Variants in CDKAL1 observed in about 807,000 individuals in gnomAD.
CDKAL1 encodes CDKAL1 threonylcarbamoyladenosine tRNA methylthiotransferase.
CDKAL1 carries 32 observed loss-of-function variants against 68.2 expected under a neutral mutation model. The ratio of observed to expected loss-of-function variants is 0.47; its 90% CI spans 0.35 to 0.63. The LOEUF is 0.63. CDKAL1 is among the 30% of genes least tolerant of loss of function. The pLI, the probability that CDKAL1 is intolerant of heterozygous loss-of-function variation, is 0.00. For synonymous variants in CDKAL1, 234 were observed against 244.3 expected, an observed-to-expected ratio of 0.96 and a Z score of 0.39; for missense variants, 606 against 696.7, an observed-to-expected ratio of 0.87 and a Z score of 1.47.
chr6:20,554,617 G>A (rs948910232), intron 4 of CDKAL1, among the ~76,000 whole-genome samples: 5 of 152,194 alleles, frequency 3.3e-5, no homozygotes, highest in African/African-American at 1.2e-4. Context: ...TTCTGAAAGA[G>A]TAGCTGTGAT....
At chr6:21,064,955 T>C in intron 11 of CDKAL1, 93 bp from the exon 12 acceptor site, 1 of 746,646 alleles carries the variant, frequency 1.3e-6, no homozygotes, top group Non-Finnish European at 2.0e-6. Flanking sequence ...AAATAAATTT[T>C]AATTACCATA....
intron 5 of CDKAL1, among the ~76,000 whole-genome samples, chr6:20,720,884 A>T (rs567786840): frequency 5.5e-4 from 84 of 152,248 alleles, no homozygotes; most frequent in African/African-American, 1.9e-3. Context: ...TGCCTGCCTT[A>T]TTTCACTTGA....
intron 11 of CDKAL1, among the ~76,000 whole-genome samples, chr6:21,001,693 C>T (rs1335728033): frequency 6.6e-6 from 1 of 152,204 alleles, no homozygotes; most frequent in East Asian, 1.9e-4. Flanking sequence ...TAAGTATCTG[C>T]TGTTGGCCTA....
chr6:21,147,341 C>T (rs1776225705), intron 13 of CDKAL1, among the ~76,000 whole-genome samples: 1 of 152,148 alleles, frequency 6.6e-6, no homozygotes. Flanking sequence ...AATATTTGAT[C>T]ATCCAAAACG....
Position 21,230,838 on chromosome 6 carries a change from C to T in CDKAL1, c.1549-10C>T, listed in dbSNP as rs747979374. 1.3e-6 allele frequency: 2 copies of T among 1,563,140 alleles called. No homozygotes were observed. The highest frequency in any genetic ancestry group is 2.4e-5 in the South Asian group (2 of 83,806). ...AAAAATAATTTTTTCCTCTGTTTCT[C>T]TCTTTATAGGACTTCAGAAATGGGC... is the stretch of plus-strand genomic sequence containing the variant. On this transcript the variant is annotated splice_polypyrimidine_tract_variant and intron_variant, in intron 15 of 15. Coordinates refer to ENST00000274695, the MANE Select transcript of CDKAL1 (RefSeq NM_017774.3).
At chr6:21,113,676 C>T (rs558772559) in intron 13 of CDKAL1, among the ~76,000 whole-genome samples, 2 of 151,598 alleles carry the variant, frequency 1.3e-5, no homozygotes, top group Non-Finnish European at 2.9e-5. Context: ...ACCATGTTGG[C>T]CAGGCCGGTC....
intron 5 of CDKAL1, among the ~76,000 whole-genome samples, chr6:20,654,521 C>G (rs1156840617): frequency 2.0e-5 from 3 of 152,026 alleles, no homozygotes; most frequent in Non-Finnish European, 4.4e-5. Context: ...TCTTTTCTTA[C>G]TCTGAAGCTA....
chr6:21,044,984 G>C (rs1007967611), intron 11 of CDKAL1, among the ~76,000 whole-genome samples: 1 of 152,222 alleles, frequency 6.6e-6, no homozygotes, highest in African/African-American at 2.4e-5. Flanking sequence ...AGAAGGGAGG[G>C]AGGGACAAGA....
chr6:20,620,960 A>G (rs549610348), intron 4 of CDKAL1, among the ~76,000 whole-genome samples: 20 of 152,152 alleles, frequency 1.3e-4, no homozygotes, highest in African/African-American at 4.3e-4. Flanking sequence ...TTTCTTTTCC[A>G]GGATGCCATC....
At chr6:20,777,917 G>T (rs1490036283) in intron 7 of CDKAL1, among the ~76,000 whole-genome samples, 2 of 152,170 alleles carry the variant, frequency 1.3e-5, no homozygotes, top group Non-Finnish European at 2.9e-5. Context: ...AATGTGGAGT[G>T]TCTCTCCCTG....
At chr6:20,608,448 A>G (rs1766431263) in intron 4 of CDKAL1, among the ~76,000 whole-genome samples, 1 of 152,332 alleles carries the variant, frequency 6.6e-6, no homozygotes, top group Middle Eastern at 3.4e-3. Flanking sequence ...CTATGCAAAA[A>G]TAAACAAGTA....
chr6:20,725,508 G>C (rs1324817730), intron 5 of CDKAL1, among the ~76,000 whole-genome samples: 3 of 152,158 alleles, frequency 2.0e-5, no homozygotes, highest in Non-Finnish European at 1.5e-5. Context: ...AGACTAGCTG[G>C]GCATGGTGGC....
At chr6:21,118,948 T>C (rs1774564512) in intron 13 of CDKAL1, among the ~76,000 whole-genome samples, 1 of 152,222 alleles carries the variant, frequency 6.6e-6, no homozygotes, top group South Asian at 2.1e-4. Context: ...CAGTTTAGGC[T>C]TTGCGGGTGG....
intron 11 of CDKAL1, among the ~76,000 whole-genome samples, chr6:21,037,328 G>T (rs1769648473): frequency 6.6e-6 from 1 of 152,158 alleles, no homozygotes; most frequent in African/African-American, 2.4e-5. Flanking sequence ...GGAGAAAGGG[G>T]CAGGATGCTT....
chr6:20,874,407 G>A (rs553463947), intron 9 of CDKAL1, among the ~76,000 whole-genome samples: 3 of 151,944 alleles, frequency 2.0e-5, no homozygotes, highest in Non-Finnish European at 2.9e-5. Flanking sequence ...GGGTTCAGGC[G>A]ATTCTCCTGC....
intron 4 of CDKAL1, among the ~76,000 whole-genome samples, chr6:20,556,401 TAGCAGTGTC>T (rs546849174): frequency 8.7e-4 from 132 of 152,160 alleles, no homozygotes; most frequent in Admixed American, 2.7e-3. Context: ...CAGTTATAGA[TAGCAGTGTC>T]AGCAGAGTGC....
At chr6:21,113,543 T>C (rs1194587021) in intron 13 of CDKAL1, among the ~76,000 whole-genome samples, 1 of 152,024 alleles carries the variant, frequency 6.6e-6, no homozygotes, top group Non-Finnish European at 1.5e-5. Context: ...ACTCTTGTCA[T>C]CCAGGCTGCA....
At chr6:20,862,662 T>C (rs75153093) in intron 9 of CDKAL1, among the ~76,000 whole-genome samples, 23,331 of 133,764 alleles carry the variant, frequency 0.17, 2,402 homozygotes, top group African/African-American at 0.31. Context: ...TGTGTGTGTG[T>C]GCGCGCGTGC....
chr6:20,759,997 A>G (rs1253524581), intron 7 of CDKAL1, among the ~76,000 whole-genome samples: 3 of 152,136 alleles, frequency 2.0e-5, no homozygotes, highest in Admixed American at 2.0e-4. Flanking sequence ...GGTGGTGTCT[A>G]CTACTTTCCA....
Sources: allele counts gnomAD v4.1 joint callset (sites outside exome capture counted in the v4.1 genomes callset), GRCh38; gene constraint gnomAD v4.1.1; transcripts MANE v1.5; gene names NCBI Gene and HGNC (gene_info 2026-07-23, HGNC 2026-07-21).